FERMT2: variants seen among roughly 807,000 people sequenced by gnomAD.
FERMT2 encodes the protein fermitin family homolog 2.
A neutral mutation model predicts 82.7 loss-of-function variants in FERMT2; 15 were observed. That is an observed-to-expected ratio of 0.18 (90% CI 0.12 to 0.28). FERMT2 has a LOEUF of 0.28. FERMT2 is among the 10% of genes least tolerant of loss of function. The pLI is 1.00. For synonymous variants in FERMT2, 274 were observed against 271.5 expected (o/e 1.01, Z -0.09); for missense variants, 645 against 809.4 (o/e 0.80, Z 2.46).
intron 3 of FERMT2, among the ~76,000 whole-genome samples, chr14:52,898,922 C>T (rs1164755098): frequency 3.9e-5 from 6 of 152,286 alleles, no homozygotes; most frequent in African/African-American, 1.2e-4. Flanking sequence ...CATTACATTT[C>T]GAAAAGTTCT....
intron 2 of FERMT2, among the ~76,000 whole-genome samples, chr14:52,924,847 T>A (rs17125922): frequency 0.022 from 3,355 of 152,304 alleles, 115 homozygotes; most frequent in African/African-American, 0.076. Flanking sequence ...GGAAAGCTAT[T>A]ACAGCATTAT....
chr14:52,934,788 A>C (rs1386557960), intron 2 of FERMT2, among the ~76,000 whole-genome samples: 1 of 152,172 alleles, frequency 6.6e-6, no homozygotes, highest in East Asian at 1.9e-4. Context: ...CTTTTTGTTA[A>C]TTCATTGCAG....
chr14:52,948,138 T>C (rs2139718386), intron 2 of FERMT2, among the ~76,000 whole-genome samples: 1 of 152,288 alleles, frequency 6.6e-6, no homozygotes, highest in East Asian at 1.9e-4. Context: ...CCTACCACCA[T>C]CTCCACCTTT....
chr14:52,946,706 T>C (rs1337662487), intron 2 of FERMT2, among the ~76,000 whole-genome samples: 1 of 150,692 alleles, frequency 6.6e-6, no homozygotes, highest in Admixed American at 6.6e-5. Flanking sequence ...TGAGGCGGAG[T>C]CTTGCTCTGT....
chr14:52,914,831 A>T (rs1042175283), intron 3 of FERMT2, among the ~76,000 whole-genome samples: 2 of 152,146 alleles, frequency 1.3e-5, no homozygotes, highest in Admixed American at 6.5e-5. Context: ...GAGGCAGAAG[A>T]AGTACTTGAA....
In FERMT2 at chr14:52,877,574, C is replaced by CTTTTTTTTTTTT. The variant is rs34676786; in HGVS notation, c.963+996_963+1007dup. On this transcript the variant is annotated intron_variant, in intron 7 of 14. Coordinates refer to ENST00000341590, the MANE Select transcript of FERMT2 (RefSeq NM_006832.3). The stretch of plus-strand genomic sequence containing the variant: ...CTAAGGTGAAAATTAGCTGTTCTTG[C>CTTTTTTTTTTTT]TTTTTTTTTTTTTTTTTTTTTTTTG... Among the ~76,000 whole-genome samples, 263 of 67,058 alleles carry CTTTTTTTTTTTT rather than the reference C, an allele frequency of 3.9e-3. 21 individuals are homozygous for CTTTTTTTTTTTT. Among genetic ancestry groups the CTTTTTTTTTTTT allele is most frequent in the Non-Finnish European group, 4.6e-3 (184 of 39,954 alleles). The allele number at this position is 67,058 out of a possible 152,430, so 44.0% of individuals were successfully genotyped here.
chr14:52,860,817 T>C (rs150725993), intron 12 of FERMT2: 4 of 626,490 alleles, frequency 6.4e-6, no homozygotes, highest in African/African-American at 5.7e-5. Flanking sequence ...TAGCACTATG[T>C]CTATAATCAG....
chr14:52,887,403 C>T (rs1886676431), intron 4 of FERMT2, among the ~76,000 whole-genome samples: 1 of 151,892 alleles, frequency 6.6e-6, no homozygotes, highest in African/African-American at 2.4e-5. Flanking sequence ...GTCCCAACTA[C>T]TTGGGAGGCG....
At chr14:52,941,938 GCTCT>G (rs1165170690) in intron 2 of FERMT2, among the ~76,000 whole-genome samples, 1 of 152,046 alleles carries the variant, frequency 6.6e-6, no homozygotes, top group Non-Finnish European at 1.5e-5. Flanking sequence ...TACTTAAATA[GCTCT>G]CTTACACTGC....
intron 3 of FERMT2, among the ~76,000 whole-genome samples, chr14:52,913,715 A>G (rs1239108894): frequency 1.7e-5 from 2 of 118,656 alleles, no homozygotes; most frequent in Admixed American, 7.9e-5. Context: ...AGTAGTAGTA[A>G]TGAAAGACCA....
In FERMT2 at chr14:52,925,633, G is replaced by A. The variant is rs117943553; in HGVS notation, c.158-6277C>T. Among the ~76,000 whole-genome samples, 1,084 of 150,548 alleles carry A rather than the reference G, an allele frequency of 7.2e-3. 4 individuals carry two copies. Among genetic ancestry groups the A allele is most frequent in the Middle Eastern group, 0.021 (6 of 286 alleles). ...GTGTGTGTGTGAGGTAGTTTATCTCGATGCAGCAACTCTTTTTTCGTTTGA... is the reference window on the plus strand; with the variant it reads ...GTGTGTGTGTGAGGTAGTTTATCTCAATGCAGCAACTCTTTTTTCGTTTGA... On this transcript the variant is annotated intron_variant, in intron 2 of 14. Transcript: ENST00000341590.
At chr14:52,945,654 C>T (rs750943933) in intron 2 of FERMT2, among the ~76,000 whole-genome samples, 1 of 152,126 alleles carries the variant, frequency 6.6e-6, no homozygotes, top group Non-Finnish European at 1.5e-5. Context: ...GTGACTTGAT[C>T]TAACCCAACT....
intron 9 of FERMT2, among the ~76,000 whole-genome samples, chr14:52,873,367 G>C (rs1885748774): frequency 6.6e-6 from 1 of 152,216 alleles, no homozygotes; most frequent in East Asian, 1.9e-4. Context: ...ACTGAAAGTG[G>C]GGGATGTGCT....
intron 3 of FERMT2, among the ~76,000 whole-genome samples, chr14:52,896,370 C>T (rs1279247495): frequency 6.6e-6 from 1 of 152,188 alleles, no homozygotes; most frequent in East Asian, 1.9e-4. Context: ...GAGCCCATGA[C>T]ATCCACTAGA....
chr14:52,883,524 A>C (rs1594946195), intron 4 of FERMT2, among the ~76,000 whole-genome samples: 1 of 152,238 alleles, frequency 6.6e-6, no homozygotes, highest in South Asian at 2.1e-4. Context: ...GTTACGAAGA[A>C]TGTCAGTATA....
At chr14:52,897,292 T>C (rs1018451241) in intron 3 of FERMT2, among the ~76,000 whole-genome samples, 3 of 152,190 alleles carry the variant, frequency 2.0e-5, no homozygotes, top group Non-Finnish European at 4.4e-5. Flanking sequence ...CAAACATCTA[T>C]GTCCATCTTT....
rs556465094 is a variant in FERMT2 at position 52,911,226 on chromosome 14, C to T, written c.391+7897G>A. ...TAAGCCAATGAATGTAGCCATATTC[C>T]AATACAACTTTATTTATGAACATGG... On this transcript the variant is annotated intron_variant, in intron 3 of 14. Coordinates refer to ENST00000341590, the MANE Select transcript of FERMT2 (RefSeq NM_006832.3). Among the ~76,000 whole-genome samples, 5 of 152,132 alleles carry T rather than the reference C, an allele frequency of 3.3e-5. No individual in the cohort carries two copies. The East Asian group carries it at 9.7e-4, about 29-fold the overall frequency.
At chr14:52,932,450 T>C (rs1180407441) in intron 2 of FERMT2, among the ~76,000 whole-genome samples, 1 of 152,168 alleles carries the variant, frequency 6.6e-6, no homozygotes. Flanking sequence ...TGCATGTCTT[T>C]CTCTGATTTA....
At chr14:52,927,592 T>TTAA (rs1889350559) in intron 2 of FERMT2, among the ~76,000 whole-genome samples, 3 of 33,714 alleles carry the variant, frequency 8.9e-5, no homozygotes, top group East Asian at 8.1e-4. Flanking sequence ...CTCATCCCTA[T>TTAA]AAAAAAAAAA....
Sources: gnomAD v4.1 joint callset for allele counts (sites outside exome capture counted in the v4.1 genomes callset) on GRCh38, gnomAD v4.1.1 for gene constraint, MANE v1.5 for transcripts, NCBI Gene and HGNC (gene_info 2026-07-23, HGNC 2026-07-21) for gene names.